NEBL: variants seen among roughly 807,000 people sequenced by gnomAD.
The protein encoded by NEBL is LIM and SH3 protein 2.
In NEBL, 122 loss-of-function variants were observed where a neutral mutation model predicts 140.2. The observed-to-expected ratio is 0.87, with a 90% CI of 0.75 to 1.01. The LOEUF (loss-of-function observed/expected upper bound fraction) is 1.01, where lower values mean the gene tolerates loss of function less well. NEBL is among the 50% of genes least tolerant of loss of function. The pLI is 0.00. For missense variants in NEBL, 1,365 were observed against 1,231.3 expected, an observed-to-expected ratio of 1.11 and a Z score of -1.62; for synonymous variants, 436 against 398.9, an observed-to-expected ratio of 1.09 and a Z score of -1.11.
intron 2 of NEBL, chr10:21,030,328 C>A: frequency 1.6e-6 from 1 of 640,472 alleles, no homozygotes. Context: ...AGTCATCGCA[C>A]ACTGGGACCT....
At chr10:21,105,829 T>C (rs545390023) in intron 2 of NEBL, among the ~76,000 whole-genome samples, 5 of 152,126 alleles carry the variant, frequency 3.3e-5, no homozygotes, top group Admixed American at 6.6e-5. Flanking sequence ...CCTATTTCTC[T>C]ACATCCTCTC....
intron 3 of NEBL, among the ~76,000 whole-genome samples, chr10:21,211,023 C>G (rs1235416024): frequency 6.6e-6 from 1 of 152,124 alleles, no homozygotes; most frequent in Admixed American, 6.6e-5. Flanking sequence ...AAACCATGAT[C>G]CATATCCTCA....
intron 2 of NEBL, among the ~76,000 whole-genome samples, chr10:21,067,270 C>T (rs560918123): frequency 3.2e-4 from 49 of 152,064 alleles, no homozygotes; most frequent in African/African-American, 1.0e-3. Flanking sequence ...CGCGCCCAGC[C>T]GAAATAATTT....
chr10:20,905,729 G>A (rs143690821), intron 4 of NEBL, among the ~76,000 whole-genome samples: 1 of 152,160 alleles, frequency 6.6e-6, no homozygotes, highest in Non-Finnish European at 1.5e-5. Context: ...CCAGAGACAA[G>A]AGTTGAAAGA....
chr10:21,213,342 C>A (rs558905206), intron 3 of NEBL, among the ~76,000 whole-genome samples: 1 of 152,242 alleles, frequency 6.6e-6, no homozygotes, highest in South Asian at 2.1e-4. Context: ...AGAGAAAGGA[C>A]ATTAGAGAAG....
rs1281224336 is a variant in NEBL at position 20,927,607 on chromosome 10, C to A, written c.357+34065G>T. 3.9e-5 allele frequency among the ~76,000 whole-genome samples: 6 copies of A among 152,204 alleles called. No individual in the cohort carries two copies. The East Asian group carries it at 9.6e-4, about 24-fold the overall frequency. On this transcript the variant is annotated intron_variant, in intron 4 of 6. Coordinates refer to the NEBL transcript ENST00000417816. ...ATAATTTCAACTATGAGTTAAAAACCAAAACCTATCTTTTAAGTGTTCGTG... is the reference window on the plus strand; with the variant it reads ...ATAATTTCAACTATGAGTTAAAAACAAAAACCTATCTTTTAAGTGTTCGTG...
chr10:21,106,739 T>C (rs535417695), intron 2 of NEBL, among the ~76,000 whole-genome samples: 19 of 152,252 alleles, frequency 1.2e-4, no homozygotes, highest in Middle Eastern at 6.8e-3. Context: ...AGTAGTAGCT[T>C]GATGGGGATA....
At chr10:21,251,773 A>G (rs1358089224) in exon 2 of NEBL, among the ~76,000 whole-genome samples, 1 of 152,200 alleles carries the variant, frequency 6.6e-6, no homozygotes. Flanking sequence ...ATGGCCATCC[A>G]TGAACCAGGA....
intron 2 of NEBL, among the ~76,000 whole-genome samples, chr10:21,150,497 A>T (rs1213635398): frequency 2.0e-5 from 3 of 152,268 alleles, no homozygotes; most frequent in Non-Finnish European, 4.4e-5. Flanking sequence ...GAAGAAAAAC[A>T]TGAAGTCACA....
chr10:20,980,061 A>C (rs1161944011), intron 3 of NEBL, among the ~76,000 whole-genome samples: 3 of 150,956 alleles, frequency 2.0e-5, no homozygotes, highest in African/African-American at 4.8e-5. Flanking sequence ...CAAAAAAAAA[A>C]AAACAAACCA....
intron 23 of NEBL, 63 bp downstream of exon 23, chr10:20,813,876 C>T: frequency 9.7e-7 from 1 of 1,032,098 alleles, no homozygotes; most frequent in Admixed American, 1.7e-5. Flanking sequence ...GAAGTAATGC[C>T]ATCCGTGCAC....
chr10:20,827,760 A>G (rs1317621930), intron 17 of NEBL, among the ~76,000 whole-genome samples: 1 of 152,200 alleles, frequency 6.6e-6, no homozygotes. Flanking sequence ...GAATGAGATC[A>G]TGGCCTTTGC....
chr10:20,980,433 C>T (rs995251561), intron 3 of NEBL, among the ~76,000 whole-genome samples: 1 of 151,486 alleles, frequency 6.6e-6, no homozygotes, highest in Admixed American at 6.6e-5. Flanking sequence ...AGAAGAGACA[C>T]TGAAAGAAAA....
At chr10:20,912,636 T>C (rs1035714715) in intron 4 of NEBL, among the ~76,000 whole-genome samples, 1 of 152,182 alleles carries the variant, frequency 6.6e-6, no homozygotes, top group Non-Finnish European at 1.5e-5. Flanking sequence ...AGACCTGATA[T>C]CTTGTTCCTC....
At position 21,128,152 on chromosome 10, in the gene NEBL, C is replaced by A. The variant is rs554077730; in HGVS notation, c.164+44231G>T. Among the ~76,000 whole-genome samples the A allele has an allele frequency of 1.7e-4, 26 of 152,236 alleles. No individual in the cohort carries two copies. The South Asian group carries it at 4.4e-3, about 26-fold the overall frequency. On this transcript the variant is annotated intron_variant, in intron 2 of 6. Transcript: ENST00000417816. ...TAACCAAATTCAAAGGAAACACAAA[C>A]AGTAAATTTTTTTAATTCTTAAAAA...
At chr10:20,860,880 T>G (rs935511398) in intron 7 of NEBL, among the ~76,000 whole-genome samples, 1 of 152,114 alleles carries the variant, frequency 6.6e-6, no homozygotes, top group Non-Finnish European at 1.5e-5. Context: ...TGGAACCTAT[T>G]AGAGAGAGCT....
At chr10:20,808,704 A>G (rs748038496) in intron 25 of NEBL, 45 bp from the exon 26 acceptor site, 1 of 1,575,416 alleles carries the variant, frequency 6.3e-7, no homozygotes, top group Non-Finnish European at 8.7e-7. Context: ...AAGTGACTCG[A>G]AAAACAAAAT....
At chr10:21,227,653 T>TTTCTTC (rs549558619) in intron 3 of NEBL, among the ~76,000 whole-genome samples, 936 of 83,198 alleles carry the variant, frequency 0.011, 83 homozygotes, top group East Asian at 0.021. Flanking sequence ...GCACTTGAAG[T>TTTCTTC]TTCTTCTTCT....
chr10:21,156,246 C>A (rs1204280933), intron 2 of NEBL, among the ~76,000 whole-genome samples: 2 of 152,192 alleles, frequency 1.3e-5, no homozygotes, highest in Non-Finnish European at 2.9e-5. Flanking sequence ...CATTTGGCAT[C>A]TTTTTGGTGT....
Sources: allele counts gnomAD v4.1 joint callset (sites outside exome capture counted in the v4.1 genomes callset), GRCh38; gene constraint gnomAD v4.1.1; transcripts MANE v1.5; gene names NCBI Gene and HGNC (gene_info 2026-07-23, HGNC 2026-07-21).